The following ZFHX4 variants were observed in gnomAD, a reference collection of about 807,000 sequenced individuals.
The protein encoded by ZFHX4 is zinc finger homeobox protein 4.
In ZFHX4, 56 loss-of-function variants were observed where a neutral mutation model predicts 267.6. That is an observed-to-expected ratio of 0.21 (90% confidence interval 0.17 to 0.26). The LOEUF is 0.26. Among genes scored for constraint, ZFHX4 ranks in the 10% least tolerant of loss-of-function variants. The pLI is 1.00. For synonymous variants in ZFHX4, 1,778 were observed against 1,665.6 expected (o/e 1.07, Z -1.64); for missense variants, 4,332 against 4,420.0 (o/e 0.98, Z 0.56).
chr8:76,827,609 G>A (rs1281028914), intron 4 of ZFHX4, among the ~76,000 whole-genome samples: 1 of 152,070 alleles, frequency 6.6e-6, no homozygotes. Flanking sequence ...TTTAATAAAA[G>A]CACTTTAAAA....
chr8:76,735,451 AT>A (rs1229385779), intron 3 of ZFHX4, among the ~76,000 whole-genome samples: 3 of 152,064 alleles, frequency 2.0e-5, no homozygotes, highest in Admixed American at 6.6e-5. Context: ...AATTAGCAAT[AT>A]TTTTTTGATT....
chr8:76,862,949 G>T (rs1303865134), intron 10 of ZFHX4, 145 bp from the exon 11 acceptor site: 2 of 1,196,232 alleles, frequency 1.7e-6, no homozygotes, highest in African/African-American at 3.1e-5. Flanking sequence ...AGTTCTAGGT[G>T]GTGATCATGA....
intron 1 of ZFHX4, among the ~76,000 whole-genome samples, chr8:76,700,176 A>G (rs1808066296): frequency 6.6e-6 from 1 of 152,096 alleles, no homozygotes; most frequent in African/African-American, 2.4e-5. Flanking sequence ...ATGTAAGTGG[A>G]CAACTTTTAA....
chr8:76,804,791 G>A (rs1811205662), intron 4 of ZFHX4, among the ~76,000 whole-genome samples: 1 of 151,996 alleles, frequency 6.6e-6, no homozygotes, highest in Non-Finnish European at 1.5e-5. Flanking sequence ...TGAGGTGAGA[G>A]GTCATGGCGA....
chr8:76,786,043 A>G (rs1217288263), intron 4 of ZFHX4, among the ~76,000 whole-genome samples: 1 of 152,066 alleles, frequency 6.6e-6, no homozygotes, highest in African/African-American at 2.4e-5. Context: ...TTTTATTCCT[A>G]TTTTACAGGT....
At chr8:76,826,629 G>A (rs1585984374) in intron 4 of ZFHX4, among the ~76,000 whole-genome samples, 1 of 152,136 alleles carries the variant, frequency 6.6e-6, no homozygotes. Flanking sequence ...TTCCACTAAA[G>A]CAGTCTAAAG....
rs746346945 is a variant in ZFHX4 at position 76,851,174 on chromosome 8, A to G, written c.4253A>G (p.Tyr1418Cys). The part of the protein sequence containing the change: ...TMQKLQIHSQ[Y>C]HAIRAATMCN... ...CAGAAGCTTCAGATACATTCCCAGT[A>G]TCATGCAATTCGGGCTGCGACAATG... The change falls in exon 10 of 11, where the codon TAT (tyrosine) becomes TGT (cysteine). Residue 1418 changes from tyrosine (Y) to cysteine (C), a missense_variant. Around this residue, in one of 7 missense-constraint regions of ZFHX4, gnomAD observed 1,371 missense variants for 1,423.1 expected, o/e 0.96. Coordinates refer to ENST00000651372, the MANE Select transcript of ZFHX4 (RefSeq NM_024721.5). 1.2e-5 allele frequency: 19 copies of G among 1,613,830 alleles called. No homozygotes were observed. In the Admixed American group the frequency reaches 2.7e-4, roughly 23 times the overall value.
In ZFHX4 at chr8:76,856,125, G is replaced by C; in HGVS notation, c.9204G>C (p.Lys3068Asn). 6.2e-7 allele frequency: 1 copy of C among 1,613,988 alleles called. No homozygotes were observed. Among genetic ancestry groups the C allele is most frequent in the East Asian group, 2.2e-5 (1 of 44,874 alleles). Reference protein sequence around the residue: ...LMAQQELDRIKKASDVLGLTV... With the variant: ...LMAQQELDRINKASDVLGLTV... ...CACAGCAAGAACTTGATCGTATAAAGAAAGCTTCAGACGTGCTGGGCTTGA... is the reference window on the plus strand; with the variant it reads ...CACAGCAAGAACTTGATCGTATAAACAAAGCTTCAGACGTGCTGGGCTTGA... The change falls in exon 10 of 11, where the codon AAG becomes AAC. Residue 3068 changes from lysine (K) to asparagine (N), a missense_variant. Physicochemically the swap from Lys to Asn is moderately conservative, Grantham distance 94 (BLOSUM62 0). Transcript: ENST00000651372.
intron 1 of ZFHX4, among the ~76,000 whole-genome samples, chr8:76,690,738 C>T (rs1332321543): frequency 6.6e-6 from 1 of 152,024 alleles, no homozygotes; most frequent in Non-Finnish European, 1.5e-5. Flanking sequence ...CACACACACA[C>T]ACATACACAC....
At chr8:76,862,083 C>G (rs907647434) in intron 10 of ZFHX4, among the ~76,000 whole-genome samples, 3 of 152,172 alleles carry the variant, frequency 2.0e-5, no homozygotes, top group African/African-American at 4.8e-5. Context: ...AAGGCACAGG[C>G]TTTTACAAGT....
intron 4 of ZFHX4, among the ~76,000 whole-genome samples, chr8:76,786,992 A>G (rs946257714): frequency 6.6e-5 from 10 of 152,214 alleles, no homozygotes; most frequent in African/African-American, 2.4e-4. Flanking sequence ...GGGGGTAGTC[A>G]AATTTGTTAA....
Position 76,854,336 on chromosome 8 carries a change from C to T in ZFHX4, c.7415C>T (p.Ser2472Phe), listed in dbSNP as rs536193735. 1.2e-6 allele frequency: 2 copies of T among 1,613,866 alleles called. No individual in the cohort carries two copies. The highest frequency in any genetic ancestry group is 1.7e-5 in the Admixed American group (1 of 60,012). The change falls in exon 10 of 11, where the codon TCC becomes TTC. Residue 2472 changes from serine to phenylalanine, a missense_variant. Physicochemically the swap from Ser to Phe is radical, Grantham distance 155. This residue lies in a region of ZFHX4 where 1,648 missense variants were observed against 1,625.0 expected (regional missense o/e 1.01). Transcript: ENST00000651372. ...TCGGCCTCTCAAACACCGGTCCCTT[C>T]CAGTCCACTGCAAATTTCCATGACG... ...PPSASQTPVP[S>F]SPLQISMTSL...
At chr8:76,733,544 A>G (rs2131666878) in intron 3 of ZFHX4, 1 of 152,358 alleles carries the variant, frequency 6.6e-6, no homozygotes, top group African/African-American at 2.4e-5. Context: ...ATTTTAAAGT[A>G]TGTCCTCCTT....
At chr8:76,685,568 G>C (rs1327341843) in intron 1 of ZFHX4, among the ~76,000 whole-genome samples, 1 of 152,194 alleles carries the variant, frequency 6.6e-6, no homozygotes, top group African/African-American at 2.4e-5. Context: ...TAATATATAT[G>C]TACATTCTGC....
intron 4 of ZFHX4, among the ~76,000 whole-genome samples, chr8:76,806,723 T>TC (rs1232869168): frequency 1.3e-5 from 2 of 152,128 alleles, no homozygotes; most frequent in Non-Finnish European, 2.9e-5. Context: ...TTTCCAAGTG[T>TC]CCCCAAGAGT....
intron 3 of ZFHX4, among the ~76,000 whole-genome samples, chr8:76,775,312 T>G (rs1810374016): frequency 1.3e-5 from 2 of 152,310 alleles, no homozygotes; most frequent in South Asian, 4.1e-4. Flanking sequence ...GGTAAACTAC[T>G]TAATCAAGTC....
intron 4 of ZFHX4, among the ~76,000 whole-genome samples, chr8:76,796,590 G>A (rs1326736867): frequency 1.3e-5 from 2 of 152,128 alleles, no homozygotes; most frequent in Non-Finnish European, 1.5e-5. Context: ...GAGCAACAGC[G>A]TGGTTAAACA....
intron 4 of ZFHX4, among the ~76,000 whole-genome samples, chr8:76,832,064 C>T (rs1014873074): frequency 6.6e-6 from 1 of 151,602 alleles, no homozygotes; most frequent in Non-Finnish European, 1.5e-5. Context: ...CTACTAAAGG[C>T]CAAAGGTTTT....
At chr8:76,835,243 A>ATATATATGTGTATATATATATATG (rs1554572191) in intron 5 of ZFHX4, among the ~76,000 whole-genome samples, 40 of 102,718 alleles carry the variant, frequency 3.9e-4, no homozygotes, top group Middle Eastern at 0.01. Context: ...ATATATATGT[A>ATATATATGTGTATATATATATATG]TATATATATA....
Sources: allele counts gnomAD v4.1 joint callset (sites outside exome capture counted in the v4.1 genomes callset), GRCh38; gene constraint gnomAD v4.1.1; regional missense constraint gnomAD v4.1.1; transcripts MANE v1.5; gene names NCBI Gene and HGNC (gene_info 2026-07-23, HGNC 2026-07-21).